AR: variants seen among roughly 807,000 people sequenced by gnomAD.
AR encodes the protein dihydrotestosterone receptor.
A neutral mutation model predicts 53.9 loss-of-function variants in AR; 8 were observed. The ratio of observed to expected loss-of-function variants is 0.15; its 90% CI spans 0.09 to 0.27. The LOEUF (loss-of-function observed/expected upper bound fraction) is 0.27. Among genes scored for constraint, AR ranks in the 10% least tolerant of loss-of-function variants. The pLI, the probability that AR is intolerant of heterozygous loss-of-function variation, is 1.00. For missense variants in AR, 639 were observed against 742.5 expected (o/e 0.86, Z 1.62); for synonymous variants, 359 against 316.4 (o/e 1.13, Z -1.43).
At chrX:67,705,303 G>C (rs1049136960) in intron 3 of AR, among the ~76,000 whole-genome samples, 1 of 111,115 alleles carries the variant, frequency 9.0e-6, no homozygotes, top group African/African-American at 3.3e-5. Flanking sequence ...CCATTTCTTT[G>C]TATCCTCTTT....
intron 1 of AR, among the ~76,000 whole-genome samples, chrX:67,583,892 G>A (rs917854409): frequency 9.0e-5 from 10 of 111,676 alleles, no homozygotes; most frequent in African/African-American, 3.3e-4. Flanking sequence ...GAAAATCCTG[G>A]TGAAGTTTTT....
At chrX:67,571,681 G>C (rs182794911) in intron 1 of AR, among the ~76,000 whole-genome samples, 1 of 110,931 alleles carries the variant, frequency 9.0e-6, no homozygotes, top group Admixed American at 9.6e-5. Flanking sequence ...GGATATTTCC[G>C]ATATTCAAAT....
chrX:67,722,028 G>T (rs2147536435), intron 6 of AR, 65 bp downstream of exon 6: 1 of 1,176,065 alleles, frequency 8.5e-7, no homozygotes, highest in South Asian at 1.8e-5. Flanking sequence ...GACCACTTTT[G>T]CCATTAAAAC....
At chrX:67,694,815 G>T in intron 3 of AR, 1 of 1,119,122 alleles carries the variant, frequency 8.9e-7, no homozygotes, top group Non-Finnish European at 1.2e-6. Context: ...TAGGAGCTTA[G>T]GTTTTTGCTC....
intron 1 of AR, among the ~76,000 whole-genome samples, chrX:67,600,203 C>T (rs950668954): frequency 9.0e-6 from 1 of 110,882 alleles, no homozygotes; most frequent in Non-Finnish European, 1.9e-5. Context: ...GGTATACACC[C>T]CTGCACAGTT....
Position 67,647,121 on chromosome X carries a change from A to C in AR, c.1768+3714A>C, listed in dbSNP as rs150619880. Among the ~76,000 whole-genome samples, 437 of 112,084 alleles carry C rather than the reference A, an allele frequency of 3.9e-3. 4 individuals carry two copies. The highest frequency in any genetic ancestry group is 0.013 in the African/African-American group (402 of 30,907). The stretch of plus-strand genomic sequence containing the variant: ...AATCCATCATGTGCATTATGTGCTC[A>C]AGAATTTACTATTTTTCAGACATTT... On this transcript the variant is annotated intron_variant, in intron 2 of 7. Transcript: ENST00000374690.
chrX:67,694,237 G>C (rs767966008), intron 3 of AR, among the ~76,000 whole-genome samples: 1 of 110,563 alleles, frequency 9.0e-6, no homozygotes, highest in Admixed American at 9.7e-5. Context: ...TTTGGCTGCT[G>C]CAAGAAATTC....
Position 67,728,574 on chromosome X carries a change from A to AAT in AR, c.*4773_*4774dup, listed in dbSNP as rs10666509. ...ATTTGTATCCATGTTTCAAAATTGA[A>AAT]ATATATATATATATATATATATATA... On this transcript the variant is annotated 3_prime_UTR_variant, in exon 8 of 8. Coordinates refer to ENST00000374690, the MANE Select transcript of AR (RefSeq NM_000044.6). 0.21 allele frequency: 6,362 copies of AAT among 29,678 alleles called. 657 individuals are homozygous for AAT. Among genetic ancestry groups the AAT allele is most frequent in the African/African-American group, 0.27 (2,051 of 7,565 alleles). 2.4% of individuals were successfully genotyped at this position (29,678 alleles called of 1,213,427 possible).
chrX:67,650,037 C>T (rs1333047344), intron 2 of AR, among the ~76,000 whole-genome samples: 1 of 111,730 alleles, frequency 9.0e-6, no homozygotes, highest in Non-Finnish European at 1.9e-5. Flanking sequence ...GAACTACAAA[C>T]CACTGCTCAA....
At position 67,581,646 on chromosome X, in the gene AR, A is replaced by G. The variant is rs139627864; in HGVS notation, c.1616+34884A>G. 2.7e-4 allele frequency among the ~76,000 whole-genome samples: 30 copies of G among 111,454 alleles called. No individual in the cohort carries two copies. In the East Asian group the frequency reaches 8.5e-3, roughly 31 times the overall value. On this transcript the variant is annotated intron_variant, in intron 1 of 7. Coordinates refer to ENST00000374690, the MANE Select transcript of AR (RefSeq NM_000044.6). ...CTATATGCCAACCACTATGCTAGAA[A>G]TTTTGTAATATTCTTCACGATATTC...
chrX:67,707,405 G>T (rs1483514089), intron 3 of AR, among the ~76,000 whole-genome samples: 1 of 111,556 alleles, frequency 9.0e-6, no homozygotes, highest in Non-Finnish European at 1.9e-5. Flanking sequence ...GGCCTTCTTT[G>T]TCTCTTTTGA....
intron 1 of AR, among the ~76,000 whole-genome samples, chrX:67,554,915 C>CAAAA: frequency 1.8e-5 from 1 of 57,067 alleles, no homozygotes; most frequent in African/African-American, 6.8e-5. Flanking sequence ...CAGGCTCCGT[C>CAAAA]AAAAAAAAAA....
intron 2 of AR, among the ~76,000 whole-genome samples, chrX:67,644,131 C>A (rs986211352): frequency 4.5e-5 from 5 of 112,294 alleles, no homozygotes; most frequent in African/African-American, 1.6e-4. Context: ...CATGTCTGCT[C>A]AACCTCTAGA....
At chrX:67,695,199 G>T in intron 3 of AR, 4 of 755,332 alleles carry the variant, frequency 5.3e-6, no homozygotes, top group Non-Finnish European at 4.7e-6. Context: ...AGGTTCCTGT[G>T]GCCATCTTTA....
At chrX:67,657,292 C>G (rs954837210) in intron 2 of AR, among the ~76,000 whole-genome samples, 1 of 111,039 alleles carries the variant, frequency 9.0e-6, no homozygotes, top group African/African-American at 3.3e-5. Context: ...CTATCCTTAC[C>G]TTTACTCAGG....
chrX:67,640,632 T>A (rs1216047329), intron 1 of AR, among the ~76,000 whole-genome samples: 1 of 111,708 alleles, frequency 9.0e-6, no homozygotes, highest in East Asian at 2.8e-4. Flanking sequence ...TCTCTGATGG[T>A]AATTTGTATT....
chrX:67,629,700 T>A (rs1924951553), intron 1 of AR, among the ~76,000 whole-genome samples: 1 of 109,098 alleles, frequency 9.2e-6, no homozygotes, highest in Non-Finnish European at 1.9e-5. Flanking sequence ...TGTTTGCTCT[T>A]GCTTTTCTAG....
At chrX:67,723,131 G>A in intron 7 of AR, 147 bp downstream of exon 7, 1 of 728,718 alleles carries the variant, frequency 1.4e-6, no homozygotes, top group Non-Finnish European at 2.1e-6. Context: ...AAAATGTGGT[G>A]AAGAAAAGAA....
intron 1 of AR, among the ~76,000 whole-genome samples, chrX:67,552,650 A>G (rs189053220): frequency 1.8e-5 from 2 of 112,306 alleles, no homozygotes; most frequent in Admixed American, 1.9e-4. Context: ...CTGTTTTACA[A>G]TCCCATCAGC....
Sources: allele counts gnomAD v4.1 joint callset (sites outside exome capture counted in the v4.1 genomes callset), GRCh38; gene constraint gnomAD v4.1.1; transcripts MANE v1.5; gene names NCBI Gene and HGNC (gene_info 2026-07-23, HGNC 2026-07-21).